The following NPLOC4 variants were observed in gnomAD, a reference collection of about 807,000 sequenced individuals.
NPLOC4 encodes the protein nuclear protein localization protein 4 homolog.
In NPLOC4, 18 loss-of-function variants were observed where a neutral mutation model predicts 80.6. The observed-to-expected ratio is 0.22, with a 90% confidence interval of 0.15 to 0.33. The LOEUF (loss-of-function observed/expected upper bound fraction) is 0.33. NPLOC4 is among the 10% of genes least tolerant of loss of function. The probability of loss-of-function intolerance (pLI) is 1.00; values close to 1 mark genes in which losing one functional copy is unlikely to be tolerated. For synonymous variants in NPLOC4, 313 were observed against 301.5 expected, an observed-to-expected ratio of 1.04 and a Z score of -0.39; for missense variants, 540 against 786.1, an observed-to-expected ratio of 0.69 and a Z score of 3.74.
At chr17:81,624,270 T>G (rs1049267369) in intron 2 of NPLOC4, among the ~76,000 whole-genome samples, 6 of 152,004 alleles carry the variant, frequency 3.9e-5, no homozygotes, top group Non-Finnish European at 8.8e-5. Context: ...ATACAAAAAT[T>G]AGCTAGGCGT....
chr17:81,575,896 T>C (rs750727239), intron 12 of NPLOC4, among the ~76,000 whole-genome samples: 1 of 152,234 alleles, frequency 6.6e-6, no homozygotes, highest in Non-Finnish European at 1.5e-5. Flanking sequence ...TCTTGATTAA[T>C]TGATAAACCT....
intron 11 of NPLOC4, among the ~76,000 whole-genome samples, chr17:81,592,771 G>A (rs2034784279): frequency 6.6e-6 from 1 of 152,164 alleles, no homozygotes; most frequent in Admixed American, 6.5e-5. Flanking sequence ...ATCACTTGAG[G>A]CCAGAAGCTC....
chr17:81,613,491 A>G lies in NPLOC4; in HGVS notation c.213T>C (p.His71=), dbSNP rs200891361. ...AGGGAAACAGGAACAACAAATCGCC[A>G]TGCCTGTTCAAATGATAAACAGAGG... The part of the protein sequence containing the change: ...NKSLNLLKIK[H]GDLLFLFPSS... Residue 71 remains histidine, a synonymous_variant, in exon 4 of 17, where the codon CAT becomes CAC. Coordinates refer to ENST00000331134, the MANE Select transcript of NPLOC4 (RefSeq NM_017921.4). 1.2e-5 allele frequency: 20 copies of G among 1,612,674 alleles called. No homozygotes were observed. The highest frequency in any genetic ancestry group is 8.5e-7 in the Non-Finnish European group (1 of 1,179,376).
chr17:81,628,876 A>G (rs1227815705), intron 2 of NPLOC4, among the ~76,000 whole-genome samples: 1 of 140,894 alleles, frequency 7.1e-6, no homozygotes, highest in African/African-American at 2.8e-5. Context: ...TCATATCTAC[A>G]ATTCATACTT....
chr17:81,596,277 G>A (rs370267564), intron 10 of NPLOC4, 35 bp from the exon 11 acceptor site: 1 of 1,586,684 alleles, frequency 6.3e-7, no homozygotes, highest in Admixed American at 1.8e-5. Flanking sequence ...AAATTTTACA[G>A]CATCATGCCA....
intron 12 of NPLOC4, among the ~76,000 whole-genome samples, chr17:81,578,883 T>C (rs941852522): frequency 6.6e-6 from 1 of 152,256 alleles, no homozygotes; most frequent in African/African-American, 2.4e-5. Context: ...TTTAATTTTT[T>C]CATAATAAAC....
At chr17:81,589,642 C>T (rs991120375) in intron 11 of NPLOC4, among the ~76,000 whole-genome samples, 2 of 151,990 alleles carry the variant, frequency 1.3e-5, no homozygotes, top group African/African-American at 4.8e-5. Flanking sequence ...CACTTGGCTC[C>T]ACAAACAGGT....
intron 8 of NPLOC4, among the ~76,000 whole-genome samples, chr17:81,603,380 G>A (rs1429851328): frequency 6.6e-6 from 1 of 152,008 alleles, no homozygotes; most frequent in African/African-American, 2.4e-5. Context: ...AGGGTCACTT[G>A]AGGCCAGTAG....
chr17:81,629,861 T>C (rs1226596127), intron 1 of NPLOC4, 56 bp from the exon 2 acceptor site: 6 of 1,272,110 alleles, frequency 4.7e-6, no homozygotes, highest in Non-Finnish European at 6.8e-6. Context: ...CCTGATCTAA[T>C]ACTACGGCTT....
intron 2 of NPLOC4, among the ~76,000 whole-genome samples, chr17:81,628,918 G>T (rs1397603775): frequency 2.7e-5 from 4 of 145,750 alleles, no homozygotes; most frequent in Admixed American, 1.4e-4. Context: ...TCACTCTGTC[G>T]CCCAGGCTGG....
chr17:81,582,591 T>C (rs1827025762), intron 12 of NPLOC4, among the ~76,000 whole-genome samples: 1 of 152,170 alleles, frequency 6.6e-6, no homozygotes, highest in South Asian at 2.1e-4. Flanking sequence ...GTTGTAGAAA[T>C]GAGGTCTTGC....
At chr17:81,621,491 T>C (rs1201724286) in intron 3 of NPLOC4, among the ~76,000 whole-genome samples, 1 of 152,134 alleles carries the variant, frequency 6.6e-6, no homozygotes, top group African/African-American at 2.4e-5. Context: ...AACTGGCCAC[T>C]AGCTCCTTAA....
chr17:81,606,292 G>C (rs1257189617), intron 7 of NPLOC4, among the ~76,000 whole-genome samples: 1 of 152,092 alleles, frequency 6.6e-6, no homozygotes, highest in Non-Finnish European at 1.5e-5. Flanking sequence ...AGAACATCCA[G>C]AAAGGCCGGA....
At chr17:81,588,806 A>C (rs539233050) in intron 12 of NPLOC4, 138 bp downstream of exon 12, 33 of 693,290 alleles carry the variant, frequency 4.8e-5, no homozygotes, top group Admixed American at 2.3e-4. Flanking sequence ...AACGTGACAG[A>C]AGCCTTTAGT....
At chr17:81,607,684 C>A (rs2035242748) in intron 6 of NPLOC4, among the ~76,000 whole-genome samples, 1 of 152,176 alleles carries the variant, frequency 6.6e-6, no homozygotes, top group Non-Finnish European at 1.5e-5. Flanking sequence ...TTGACCTAGA[C>A]TGAGAAAGGC....
chr17:81,631,034 G>C (rs551597393), intron 1 of NPLOC4, among the ~76,000 whole-genome samples: 1 of 151,844 alleles, frequency 6.6e-6, no homozygotes, highest in Non-Finnish European at 1.5e-5. Flanking sequence ...TTAGCTGGGC[G>C]TGGTGGCGGG....
intron 10 of NPLOC4, 21 bp from the exon 11 acceptor site, chr17:81,596,263 T>A (rs1197203525): frequency 1.3e-6 from 2 of 1,592,242 alleles, no homozygotes; most frequent in Non-Finnish European, 8.6e-7. Context: ...AGAAGCAGCC[T>A]ATCAAATTTT....
intron 1 of NPLOC4, among the ~76,000 whole-genome samples, chr17:81,633,052 C>G (rs1325820212): frequency 6.6e-6 from 1 of 151,094 alleles, no homozygotes; most frequent in Non-Finnish European, 1.5e-5. Context: ...ATGGCGTGAA[C>G]CCAGGAGGCA....
intron 1 of NPLOC4, 31 bp downstream of exon 1, chr17:81,636,885 G>T (rs769010470): frequency 7.1e-7 from 1 of 1,406,276 alleles, no homozygotes; most frequent in Admixed American, 2.5e-5. Context: ...TCATCCCGGC[G>T]TCCCCGCTCC....
Sources: gnomAD v4.1 joint callset for allele counts (sites outside exome capture counted in the v4.1 genomes callset) on GRCh38, gnomAD v4.1.1 for gene constraint, MANE v1.5 for transcripts, NCBI Gene and HGNC (gene_info 2026-07-23, HGNC 2026-07-21) for gene names.